MYO1D: variants seen among roughly 807,000 people sequenced by gnomAD.
The protein encoded by MYO1D is myosin ID.
A neutral mutation model predicts 122.0 loss-of-function variants in MYO1D; 83 were observed. The ratio of observed to expected loss-of-function variants is 0.68; its 90% CI spans 0.57 to 0.82. The LOEUF is 0.82. Ranked by LOEUF, MYO1D falls within the 40% of genes least tolerant of loss-of-function variation. MYO1D has a pLI of 0.00. For synonymous variants in MYO1D, 464 were observed against 446.9 expected (o/e 1.04, Z -0.48); for missense variants, 1,157 against 1,269.5 (o/e 0.91, Z 1.35).
chr17:32,811,795 G>C (rs1270067139), intron 1 of MYO1D, among the ~76,000 whole-genome samples: 1 of 151,898 alleles, frequency 6.6e-6, no homozygotes, highest in Non-Finnish European at 1.5e-5. Context: ...ATGAGATTAG[G>C]AAGCTTTTCT....
At chr17:32,641,630 C>T (rs1289790489) in intron 19 of MYO1D, among the ~76,000 whole-genome samples, 1 of 152,204 alleles carries the variant, frequency 6.6e-6, no homozygotes, top group Admixed American at 6.5e-5. Flanking sequence ...GCCATTCTAA[C>T]TTGTGTGAGA....
intron 1 of MYO1D, among the ~76,000 whole-genome samples, chr17:32,800,975 A>G (rs938468573): frequency 2.6e-5 from 4 of 152,188 alleles, no homozygotes; most frequent in African/African-American, 9.7e-5. Context: ...CACAATGTAT[A>G]CATGTATCAA....
chr17:32,731,525 T>C (rs2150998521), intron 14 of MYO1D, among the ~76,000 whole-genome samples: 1 of 152,366 alleles, frequency 6.6e-6, no homozygotes, highest in South Asian at 2.1e-4. Context: ...CTTTTACTTA[T>C]AGTATCTTGT....
intron 1 of MYO1D, among the ~76,000 whole-genome samples, chr17:32,861,070 T>A (rs1311775405): frequency 6.8e-6 from 1 of 146,180 alleles, no homozygotes; most frequent in African/African-American, 2.5e-5. Context: ...TGTTTATTCT[T>A]TTTTTTTTTT....
At position 32,720,938 on chromosome 17, in the gene MYO1D, G is replaced by A. The variant is rs147897842; in HGVS notation, c.1913+85C>T. The A allele has an allele frequency of 4.7e-3, 6,107 of 1,298,080 alleles. 19 individuals carry two copies. The highest frequency in any genetic ancestry group is 5.8e-3 in the Non-Finnish European group (5,592 of 972,140). 80.4% of individuals were successfully genotyped at this position (1,298,080 alleles called of 1,614,324 possible). Reference sequence around the variant, plus strand: ...TTCACCCAACAAATATTTATAGATTGCCTAATATGTGCTGATGCACTATTG... The same window carrying A: ...TTCACCCAACAAATATTTATAGATTACCTAATATGTGCTGATGCACTATTG... On this transcript the variant is annotated intron_variant, in intron 15 of 21. Coordinates refer to ENST00000318217, the MANE Select transcript of MYO1D (RefSeq NM_015194.3).
intron 1 of MYO1D, among the ~76,000 whole-genome samples, chr17:32,838,802 G>C (rs16967671): frequency 0.036 from 5,459 of 152,158 alleles, 320 homozygotes; most frequent in African/African-American, 0.12. Flanking sequence ...GGGACTATGA[G>C]GAATATTAAC....
chr17:32,750,602 C>A (rs549476458), intron 11 of MYO1D, among the ~76,000 whole-genome samples: 2 of 152,172 alleles, frequency 1.3e-5, no homozygotes, highest in East Asian at 3.9e-4. Flanking sequence ...GCGACAAGAG[C>A]AAGACTCTGT....
At chr17:32,671,021 G>C (rs1315416304) in intron 16 of MYO1D, among the ~76,000 whole-genome samples, 1 of 152,350 alleles carries the variant, frequency 6.6e-6, no homozygotes, top group South Asian at 2.1e-4. Context: ...GTGGTCCTGA[G>C]CTGGCCCAGG....
At chr17:32,734,744 T>C (rs1182476458) in intron 14 of MYO1D, 1 of 152,150 alleles carries the variant, frequency 6.6e-6, no homozygotes, top group South Asian at 2.1e-4. Context: ...GCTTTGAAGA[T>C]GAAAACTGTA....
chr17:32,517,883 C>T (rs1346102757), intron 21 of MYO1D, among the ~76,000 whole-genome samples: 1 of 152,212 alleles, frequency 6.6e-6, no homozygotes, highest in Non-Finnish European at 1.5e-5. Context: ...CGGCTGAGCC[C>T]CCAAGGGTCA....
intron 21 of MYO1D, among the ~76,000 whole-genome samples, chr17:32,595,171 G>A (rs1178457547): frequency 3.9e-5 from 6 of 152,118 alleles, no homozygotes; most frequent in Non-Finnish European, 7.4e-5. Context: ...GCCAGAAGTT[G>A]GTTAACGGAT....
intron 21 of MYO1D, among the ~76,000 whole-genome samples, chr17:32,515,262 T>G (rs369659069): frequency 1.3e-5 from 2 of 152,332 alleles, no homozygotes; most frequent in African/African-American, 4.8e-5. Context: ...CAAAAAGGCT[T>G]GTCGATTCCA....
chr17:32,797,972 C>A (rs1048186743), intron 1 of MYO1D, among the ~76,000 whole-genome samples: 2 of 152,206 alleles, frequency 1.3e-5, no homozygotes, highest in African/African-American at 4.8e-5. Flanking sequence ...TTGTTGACAT[C>A]ATGTGCCCAG....
chr17:32,843,020 C>A (rs1265720862), intron 1 of MYO1D, among the ~76,000 whole-genome samples: 1 of 151,762 alleles, frequency 6.6e-6, no homozygotes, highest in East Asian at 1.9e-4. Context: ...TCCCAAGTAG[C>A]TGGGACTACA....
intron 16 of MYO1D, among the ~76,000 whole-genome samples, chr17:32,688,009 G>A (rs534315815): frequency 2.0e-5 from 3 of 152,084 alleles, no homozygotes; most frequent in Non-Finnish European, 4.4e-5. Flanking sequence ...ACTGGTTAAA[G>A]ACTACAAAAA....
intron 1 of MYO1D, among the ~76,000 whole-genome samples, chr17:32,811,468 GTACT>G (rs2090571562): frequency 6.6e-6 from 1 of 152,100 alleles, no homozygotes; most frequent in Admixed American, 6.6e-5. Context: ...ATTTTCTACA[GTACT>G]TACTACCTAG....
At chr17:32,616,601 G>T (rs2087772216) in intron 20 of MYO1D, among the ~76,000 whole-genome samples, 1 of 151,454 alleles carries the variant, frequency 6.6e-6, no homozygotes, top group African/African-American at 2.4e-5. Flanking sequence ...GATTACAGGT[G>T]TAACCACAGT....
At chr17:32,515,554 AG>A (rs1275165422) in intron 21 of MYO1D, among the ~76,000 whole-genome samples, 1 of 152,150 alleles carries the variant, frequency 6.6e-6, no homozygotes, top group African/African-American at 2.4e-5. Flanking sequence ...AGCCTCCCAA[AG>A]TGTTGGTATT....
At chr17:32,509,007 A>G (rs991544894) in intron 21 of MYO1D, among the ~76,000 whole-genome samples, 10 of 152,244 alleles carry the variant, frequency 6.6e-5, no homozygotes, top group African/African-American at 2.4e-4. Flanking sequence ...CATGATTAAG[A>G]AAGCAGCTGG....
Sources: gnomAD v4.1 joint callset for allele counts (sites outside exome capture counted in the v4.1 genomes callset) on GRCh38, gnomAD v4.1.1 for gene constraint, MANE v1.5 for transcripts, NCBI Gene and HGNC (gene_info 2026-07-23, HGNC 2026-07-21) for gene names.